The following BRD1 variants were observed in gnomAD, a reference collection of about 807,000 sequenced individuals.
BRD1 encodes the protein bromodomain containing 1, also known as bromodomain-containing protein 1.
Under a neutral mutation model 107.7 loss-of-function variants are expected in BRD1, and 24 were observed. The ratio of observed to expected loss-of-function variants is 0.22; its 90% CI spans 0.16 to 0.31. The LOEUF is 0.31. Ranked by LOEUF, BRD1 falls within the 10% of genes least tolerant of loss-of-function variation. The probability of loss-of-function intolerance (pLI) is 1.00; values close to 1 mark genes in which losing one functional copy is unlikely to be tolerated. For missense variants in BRD1, 1,279 were observed against 1,638.6 expected (o/e 0.78, Z 3.79); for synonymous variants, 744 against 686.1 (o/e 1.08, Z -1.32).
At position 49,774,305 on chromosome 22, in the gene BRD1, A is replaced by T; in HGVS notation, c.3498T>A (p.Ala1166=). 1 of 1,614,228 alleles carries T rather than the reference A, an allele frequency of 6.2e-7. No homozygotes were observed. Among genetic ancestry groups the T allele is most frequent in the Non-Finnish European group, 8.5e-7 (1 of 1,180,030 alleles). Residue 1166 remains alanine (A), a synonymous_variant, in exon 13 of 13, where the codon GCT becomes GCA. Coordinates refer to ENST00000404760, the MANE Select transcript of BRD1 (RefSeq NM_001304808.3). ...NSSIRKAVRI[A]FDRAMNHLSR... ...TCAGGTGGTTCATGGCGCGGTCAAA[A>T]GCGATCCGCACGGCCTTCCGGATGC...
At position 49,803,879 on chromosome 22, in the gene BRD1, T is replaced by A. The variant is rs1688037246; in HGVS notation, c.1524+325A>T. 2.0e-5 allele frequency among the ~76,000 whole-genome samples: 3 copies of A among 152,298 alleles called. No individual in the cohort carries two copies. Among genetic ancestry groups the A allele is most frequent in the Non-Finnish European group, 4.4e-5 (3 of 68,030 alleles). ...CCCGGACGCTCATGCAGCCACAGCA[T>A]AACACATCCCTGAGCATCCCCAGTC... On this transcript the variant is annotated intron_variant, in intron 3 of 12. Coordinates refer to ENST00000404760, the MANE Select transcript of BRD1 (RefSeq NM_001304808.3). This position sits in a 1 kb window ranked among gnomAD's most constrained non-coding sequence, Gnocchi z 4.4.
chr22:49,784,211 CG>C (rs1246804291), intron 8 of BRD1, among the ~76,000 whole-genome samples: 1 of 151,088 alleles, frequency 6.6e-6, no homozygotes. Flanking sequence ...GTCTCCGCAA[CG>C]GCGGTGAGTG....
intron 8 of BRD1, among the ~76,000 whole-genome samples, chr22:49,786,180 G>A (rs746522446): frequency 3.0e-4 from 46 of 151,980 alleles, no homozygotes; most frequent in Middle Eastern, 6.3e-3. Flanking sequence ...CAGGACAGAC[G>A]GGAACCAAGC....
intron 12 of BRD1, chr22:49,775,365 C>T (rs1490403816): frequency 8.2e-6 from 3 of 368,090 alleles, no homozygotes; most frequent in Non-Finnish European, 1.4e-5. Context: ...AGGAAGCCAT[C>T]GGGCAGAGAC....
At chr22:49,777,838 G>A (rs758335605) in intron 8 of BRD1, 25 bp from the exon 9 acceptor site, 11 of 1,581,726 alleles carry the variant, frequency 7.0e-6, no homozygotes, top group Middle Eastern at 1.7e-4. Flanking sequence ...GGCAGGCCCT[G>A]AGCTCAGCAC....
intron 8 of BRD1, among the ~76,000 whole-genome samples, chr22:49,778,633 T>C (rs138827): frequency 0.08 from 12,241 of 152,218 alleles, 643 homozygotes; most frequent in South Asian, 0.11. Context: ...CTGGGGGCCC[T>C]CTGGGTGTCA....
chr22:49,801,353 G>C (rs763714626), intron 3 of BRD1, among the ~76,000 whole-genome samples: 19 of 152,120 alleles, frequency 1.2e-4, no homozygotes, highest in Non-Finnish European at 2.8e-4. Flanking sequence ...CACCCTCGGC[G>C]CCTGCTGGCC....
intron 11 of BRD1, 95 bp downstream of exon 11, chr22:49,775,955 C>G: frequency 8.1e-7 from 1 of 1,233,350 alleles, no homozygotes; most frequent in Non-Finnish European, 1.1e-6. Context: ...GTGGAACCTC[C>G]TTGGACCACC....
chr22:49,817,066 T>C (rs756933614), intron 2 of BRD1, among the ~76,000 whole-genome samples: 31 of 152,218 alleles, frequency 2.0e-4, no homozygotes, highest in Non-Finnish European at 3.7e-4. Flanking sequence ...GAGTTCCCAC[T>C]GACTTCCAGG....
At chr22:49,796,795 T>G (rs986527794) in intron 6 of BRD1, among the ~76,000 whole-genome samples, 1 of 152,190 alleles carries the variant, frequency 6.6e-6, no homozygotes, top group Non-Finnish European at 1.5e-5. Flanking sequence ...ATGGCCCAGC[T>G]TGGTTGAATC....
rs762718409 is a variant in BRD1 at position 49,786,563 on chromosome 22, A to G, written c.2857+827T>C. Reference sequence around the variant, plus strand: ...GCTAAGAGGGCCACATAAAACAATGAGTAAATGTTGCTGAAATCAACTGCA... The same window carrying G: ...GCTAAGAGGGCCACATAAAACAATGGGTAAATGTTGCTGAAATCAACTGCA... On this transcript the variant is annotated intron_variant, in intron 8 of 12. Transcript: ENST00000404760. Among the ~76,000 whole-genome samples the G allele has an allele frequency of 4.4e-4, 67 of 152,348 alleles. 1 individual carries two copies. The highest frequency in any genetic ancestry group is 1.6e-3 in the African/African-American group (65 of 41,584).
chr22:49,789,494 C>CA (rs898395982), intron 7 of BRD1, among the ~76,000 whole-genome samples: 1 of 150,596 alleles, frequency 6.6e-6, no homozygotes, highest in Non-Finnish European at 1.5e-5. Context: ...CTAGCCTCCC[C>CA]CCCCCGCCCC....
rs754058315 is a variant in BRD1, at chr22:49,799,042, G to C, written c.1602C>G (p.Arg534=). 1.9e-6 allele frequency: 3 copies of C among 1,611,380 alleles called. No individual in the cohort carries two copies. Among genetic ancestry groups the C allele is most frequent in the Non-Finnish European group, 2.5e-6 (3 of 1,179,932 alleles). Residue 534 remains arginine (R), a synonymous_variant, in exon 4 of 13, where the codon CGC becomes CGG. Coordinates refer to ENST00000404760, the MANE Select transcript of BRD1 (RefSeq NM_001304808.3). ...YWQRLRHDLE[R]ARLLIELLRK... is the part of the protein sequence containing the mutation. ...GCAGCAGCTCGATCAGCAGGCGAGC[G>C]CGCTCCAGGTCGTGCCGCAGCCGCT...
In BRD1 at chr22:49,783,345, G is replaced by A. The variant is rs189148920; in HGVS notation, c.2857+4045C>T. Among the ~76,000 whole-genome samples, 1,195 of 152,368 alleles carry A rather than the reference G, an allele frequency of 7.8e-3. 8 individuals carry two copies. Among genetic ancestry groups the A allele is most frequent in the Middle Eastern group, 0.02 (6 of 294 alleles). On this transcript the variant is annotated intron_variant, in intron 8 of 12. Coordinates refer to ENST00000404760, the MANE Select transcript of BRD1 (RefSeq NM_001304808.3). This position sits in a 1 kb window ranked among gnomAD's most constrained non-coding sequence, Gnocchi z 4.2. ...GCATTGTGGGGAAAAAACAGAGGAA[G>A]GGGAAGTAAGGGGAGAAGGAAATCA...
chr22:49,777,117 C>T lies in BRD1; in HGVS notation c.3038G>A (p.Arg1013Gln), dbSNP rs762473117. 8 of 1,613,226 alleles carry T rather than the reference C, an allele frequency of 5.0e-6. No individual in the cohort carries two copies. Among genetic ancestry groups the T allele is most frequent in the African/African-American group, 1.3e-5 (1 of 74,956 alleles). ...KCGRGKPALV[R>Q]RHTLEDRSEL... ...ACTGCGGTCCTCCAGCGTGTGCCGT[C>T]GCACAAGAGCCGGTTTGCCCCGCCC... Residue 1013 changes from arginine (R) to glutamine (Q), a missense_variant, in exon 10 of 13, where the codon CGA (arginine) becomes CAA (glutamine). By Grantham distance (43) the Arg-to-Gln change is conservative (BLOSUM62 1). Coordinates refer to ENST00000404760, the MANE Select transcript of BRD1 (RefSeq NM_001304808.3).
chr22:49,787,594 A>G lies in BRD1; in HGVS notation c.2653T>C (p.Phe885Leu), dbSNP rs1274629191. The G allele has an allele frequency of 6.4e-7, 1 of 1,557,502 alleles. No individual in the cohort carries two copies. Among genetic ancestry groups the G allele is most frequent in the South Asian group, 1.2e-5 (1 of 85,230 alleles). ...GGGCTTACACTTTTCGATTTGCAGA[A>G]GAGAACAGAAGTGCGTCTGTTTACA... ...SDVNRRTSVL[F>L]CKSKSVSPPK... Residue 885 changes from phenylalanine to leucine, a missense_variant, in exon 8 of 13, where the codon TTC becomes CTC. Phe to Leu is a conservative substitution (Grantham distance 22). Transcript: ENST00000404760.
At chr22:49,775,817 C>CG in intron 11 of BRD1, 72 bp from the exon 12 acceptor site, 1 of 1,205,028 alleles carries the variant, frequency 8.3e-7, no homozygotes, top group Non-Finnish European at 1.0e-6. Flanking sequence ...TCACTGGCAC[C>CG]CCCCCCCGCC....
rs570130928 is a variant in BRD1 at position 49,797,846 on chromosome 22, C to T, written c.2057G>A (p.Arg686Gln). 30 of 1,609,706 alleles carry T rather than the reference C, an allele frequency of 1.9e-5. No individual in the cohort carries two copies. Among genetic ancestry groups the T allele is most frequent in the Admixed American group, 1.8e-4 (11 of 59,862 alleles). The change falls in exon 6 of 13, where the codon CGG (arginine) becomes CAG (glutamine). Residue 686 changes from arginine to glutamine, a missense_variant. Arg to Gln is a conservative substitution (Grantham distance 43). Coordinates refer to ENST00000404760, the MANE Select transcript of BRD1 (RefSeq NM_001304808.3). The stretch of plus-strand genomic sequence containing the variant: ...AGGCCGCCGCGGTGCCGCAGCAGGC[C>T]GCTCAGGCAGGTGCATCCCCGAGGC... ...EEASGMHLPERPAAAPRRPFS... is the reference protein window; with the variant it reads ...EEASGMHLPEQPAAAPRRPFS...
Position 49,823,343 on chromosome 22 carries a change from C to A in BRD1, c.975G>T (p.Leu325=), listed in dbSNP as rs569029965. 1 of 1,614,184 alleles carries A rather than the reference C, an allele frequency of 6.2e-7. No homozygotes were observed. The highest frequency in any genetic ancestry group is 1.1e-5 in the South Asian group (1 of 91,086). The change falls in exon 2 of 13, where the codon CTG becomes CTT. Residue 325 remains leucine (L), a synonymous_variant. Coordinates refer to ENST00000404760, the MANE Select transcript of BRD1 (RefSeq NM_001304808.3). The part of the protein sequence containing the change: ...VRNIPPARWK[L]TCYLCKQKGV... ...CCTTCTGCTTACAGAGGTAGCATGTCAGTTTCCACCGGGCTGGAGGGATGT... is the reference window on the plus strand; with the variant it reads ...CCTTCTGCTTACAGAGGTAGCATGTAAGTTTCCACCGGGCTGGAGGGATGT...
Sources: gnomAD v4.1 joint callset for allele counts (sites outside exome capture counted in the v4.1 genomes callset) on GRCh38, gnomAD v4.1.1 for gene constraint, Gnocchi (gnomAD v3.1) non-coding constraint, MANE v1.5 for transcripts, NCBI Gene and HGNC (gene_info 2026-07-23, HGNC 2026-07-21) for gene names.